KCTD3: variants seen among roughly 807,000 people sequenced by gnomAD.
KCTD3 encodes potassium channel tetramerization domain containing 3.
Under a neutral mutation model 85.8 loss-of-function variants are expected in KCTD3, and 41 were observed. That is an observed-to-expected ratio of 0.48 (90% CI 0.37 to 0.62). KCTD3 has a LOEUF of 0.62. KCTD3 is among the 20% of genes least tolerant of loss of function. KCTD3 has a pLI of 0.00. For synonymous variants in KCTD3, 338 were observed against 345.4 expected, an observed-to-expected ratio of 0.98 and a Z score of 0.24; for missense variants, 724 against 989.9, an observed-to-expected ratio of 0.73 and a Z score of 3.60.
At chr1:215,573,261 G>A (rs564953194) in intron 1 of KCTD3, among the ~76,000 whole-genome samples, 1 of 152,236 alleles carries the variant, frequency 6.6e-6, no homozygotes, top group Admixed American at 6.5e-5. Flanking sequence ...ACTATTACAG[G>A]GAAGGTAAAA....
intron 10 of KCTD3, among the ~76,000 whole-genome samples, chr1:215,597,000 G>A (rs866450956): frequency 2.7e-4 from 41 of 152,116 alleles, no homozygotes; most frequent in African/African-American, 9.2e-4. Context: ...AGAGAAAGAC[G>A]TTGAAGAATA....
intron 14 of KCTD3, among the ~76,000 whole-genome samples, chr1:215,611,339 A>G (rs1289964101): frequency 6.6e-6 from 1 of 152,092 alleles, no homozygotes; most frequent in East Asian, 1.9e-4. Context: ...CATCTTTAAA[A>G]AGAAGAAATG....
chr1:215,575,839 C>A, intron 3 of KCTD3, 62 bp from the exon 4 acceptor site: 1 of 890,042 alleles, frequency 1.1e-6, no homozygotes, highest in Non-Finnish European at 1.8e-6. Context: ...ATTAGTGTTA[C>A]AGATATTAAA....
chr1:215,588,070 T>A (rs1660078392), intron 9 of KCTD3, among the ~76,000 whole-genome samples: 1 of 152,200 alleles, frequency 6.6e-6, no homozygotes, highest in Non-Finnish European at 1.5e-5. Flanking sequence ...TGAATTTTTA[T>A]CATTGGCAAC....
At position 215,604,196 on chromosome 1, in the gene KCTD3, A is replaced by C. The variant is rs745558827; in HGVS notation, c.1203A>C (p.Val401=). Residue 401 remains valine (V), a synonymous_variant, in exon 13 of 18, where the codon GTA becomes GTC. Coordinates refer to ENST00000259154, the MANE Select transcript of KCTD3 (RefSeq NM_016121.5). ...GTSSGAVRVI[V]QHPETVGSGP... is the part of the protein sequence containing the mutation. ...GCTCTGGAGCAGTACGAGTGATTGTACAACACCCAGAGACAGTTGGGTCAG... is the reference window on the plus strand; with the variant it reads ...GCTCTGGAGCAGTACGAGTGATTGTCCAACACCCAGAGACAGTTGGGTCAG... The C allele has an allele frequency of 1.6e-5, 26 of 1,613,722 alleles. No homozygotes were observed. Among genetic ancestry groups the C allele is most frequent in the Non-Finnish European group, 2.2e-5 (26 of 1,179,782 alleles).
At chr1:215,572,075 A>G (rs1236670026) in intron 1 of KCTD3, among the ~76,000 whole-genome samples, 1 of 152,222 alleles carries the variant, frequency 6.6e-6, no homozygotes, top group Non-Finnish European at 1.5e-5. Flanking sequence ...AAATGATTTA[A>G]GTGGGCAGTT....
rs1288570703 is a variant in KCTD3 at position 215,619,319 on chromosome 1, CA to C, written c.1886+32del. On this transcript the variant is annotated intron_variant, in intron 17 of 17. Coordinates refer to ENST00000259154, the MANE Select transcript of KCTD3 (RefSeq NM_016121.5). ...AGGTTAAAGAGTTGGGTATTATAAA[CA>C]AAATTTATTTCTTTTGGGGAAATTG... 9.5e-6 allele frequency: 15 copies of C among 1,571,344 alleles called. No individual in the cohort carries two copies. In the Admixed American group the frequency reaches 2.3e-4, roughly 24 times the overall value.
chr1:215,599,676 A>T (rs567084429), intron 10 of KCTD3, among the ~76,000 whole-genome samples: 2 of 152,280 alleles, frequency 1.3e-5, no homozygotes, highest in East Asian at 3.9e-4. Flanking sequence ...AGAAGAACTC[A>T]GCAGTTGTAA....
chr1:215,620,292 G>A lies in KCTD3; in HGVS notation c.2122G>A (p.Glu708Lys). 1 of 1,613,984 alleles carries A rather than the reference G, an allele frequency of 6.2e-7. No homozygotes were observed. Among genetic ancestry groups the A allele is most frequent in the Non-Finnish European group, 8.5e-7 (1 of 1,179,842 alleles). ...KGATGECNIS[E>K]RKSPGVEIKS... ...GGCAACAGGGGAATGTAATATATCTGAGAGAAAGTCTCCTGGAGTAGAAAT... is the reference window on the plus strand; with the variant it reads ...GGCAACAGGGGAATGTAATATATCTAAGAGAAAGTCTCCTGGAGTAGAAAT... Residue 708 changes from glutamate to lysine, a missense_variant, in exon 18 of 18, where the codon GAG becomes AAG. Around this residue, in one of 6 missense-constraint regions of KCTD3, gnomAD observed 222 missense variants for 217.7 expected, o/e 1.02. Coordinates refer to ENST00000259154, the MANE Select transcript of KCTD3 (RefSeq NM_016121.5).
intron 1 of KCTD3, among the ~76,000 whole-genome samples, chr1:215,570,771 A>G (rs1208984309): frequency 6.6e-6 from 1 of 152,212 alleles, no homozygotes; most frequent in Non-Finnish European, 1.5e-5. Context: ...CATGAAGTAT[A>G]ACTGTGGGTA....
intron 14 of KCTD3, among the ~76,000 whole-genome samples, chr1:215,609,419 A>G (rs959945988): frequency 1.3e-5 from 2 of 152,040 alleles, no homozygotes; most frequent in Admixed American, 1.3e-4. Flanking sequence ...AGACATACTG[A>G]GTGAATAGGC....
intron 10 of KCTD3, among the ~76,000 whole-genome samples, chr1:215,600,939 AT>A (rs751359094): frequency 3.9e-3 from 559 of 142,144 alleles, no homozygotes; most frequent in Non-Finnish European, 3.7e-3. Context: ...TAGCAAACAC[AT>A]TTTTTTTTTT....
At chr1:215,611,625 G>C (rs180954949) in intron 14 of KCTD3, among the ~76,000 whole-genome samples, 200 bp from the exon 15 acceptor site, 1 of 151,904 alleles carries the variant, frequency 6.6e-6, no homozygotes, top group Admixed American at 6.6e-5. Flanking sequence ...AGAAATAATT[G>C]TGTATTTCTT....
intron 14 of KCTD3, 90 bp from the exon 15 acceptor site, chr1:215,611,735 T>A (rs1473264491): frequency 2.5e-6 from 2 of 806,866 alleles, no homozygotes; most frequent in Non-Finnish European, 4.0e-6. Context: ...TAAGAAATTC[T>A]TTTCTTATAT....
In KCTD3 at chr1:215,604,232, T is replaced by A; in HGVS notation, c.1239T>A (p.Leu413=). The change falls in exon 13 of 18, where the codon CTT becomes CTA. Residue 413 remains leucine (L), a synonymous_variant. Transcript: ENST00000259154. ...HPETVGSGPQ[L]FQTFTVHRSP... The stretch of plus-strand genomic sequence containing the variant: ...AGACAGTTGGGTCAGGTCCTCAGCT[T>A]TTTCAGACTTTCACAGTTCACCGAA... The A allele has an allele frequency of 1.2e-6, 2 of 1,613,954 alleles. No homozygotes were observed. Among genetic ancestry groups the A allele is most frequent in the Non-Finnish European group, 1.7e-6 (2 of 1,179,904 alleles).
intron 5 of KCTD3, 54 bp downstream of exon 5, chr1:215,577,782 G>A: frequency 7.3e-7 from 1 of 1,365,266 alleles, no homozygotes; most frequent in East Asian, 2.3e-5. Context: ...TATGAAAGTT[G>A]CCCTAAATGA....
At chr1:215,570,475 G>A (rs1192021707) in intron 1 of KCTD3, among the ~76,000 whole-genome samples, 1 of 152,164 alleles carries the variant, frequency 6.6e-6, no homozygotes, top group African/African-American at 2.4e-5. Flanking sequence ...CAAGAGGGCT[G>A]GGACTAGCCA....
At chr1:215,601,521 G>A (rs1654831964) in intron 10 of KCTD3, among the ~76,000 whole-genome samples, 1 of 152,170 alleles carries the variant, frequency 6.6e-6, no homozygotes, top group South Asian at 2.1e-4. Context: ...GGAAAAGAGA[G>A]GGACCTGGTC....
Position 215,595,360 on chromosome 1 carries a change from G to A in KCTD3, c.822G>A (p.Val274=), listed in dbSNP as rs1166088304. Residue 274 remains valine (V), a synonymous_variant, in exon 10 of 18, where the codon GTG becomes GTA. Transcript: ENST00000259154. Reference sequence around the variant, plus strand: ...TATTTTTTATTGTCATTTAAGGAGTGTTCAGCCTGGGTGTTCCTGTAGATG... The same window carrying A: ...TATTTTTTATTGTCATTTAAGGAGTATTCAGCCTGGGTGTTCCTGTAGATG... The part of the protein sequence containing the change: ...QDGGSGSEIG[V]FSLGVPVDAL... 6.3e-7 allele frequency: 1 copy of A among 1,594,962 alleles called. No homozygotes were observed. Among genetic ancestry groups the A allele is most frequent in the Non-Finnish European group, 8.6e-7 (1 of 1,162,740 alleles).
Sources: allele counts gnomAD v4.1 joint callset (sites outside exome capture counted in the v4.1 genomes callset), GRCh38; gene constraint gnomAD v4.1.1; regional missense constraint gnomAD v4.1.1; transcripts MANE v1.5; gene names NCBI Gene and HGNC (gene_info 2026-07-23, HGNC 2026-07-21).